The following HIVEP3 variants were observed in gnomAD, a reference collection of about 807,000 sequenced individuals.
The protein encoded by HIVEP3 is transcription factor HIVEP3.
A neutral mutation model predicts 152.8 loss-of-function variants in HIVEP3; 49 were observed. The observed-to-expected ratio is 0.32, with a 90% CI of 0.26 to 0.41. The LOEUF (loss-of-function observed/expected upper bound fraction) is 0.41, where lower values mean the gene tolerates loss of function less well. Among genes scored for constraint, HIVEP3 ranks in the 10% least tolerant of loss-of-function variants. The pLI is 1.00. For synonymous variants in HIVEP3, 1,269 were observed against 1,289.0 expected, an observed-to-expected ratio of 0.98 and a Z score of 0.33; for missense variants, 2,790 against 3,103.3, an observed-to-expected ratio of 0.90 and a Z score of 2.40.
chr1:41,728,035 T>C (rs1425211405), intron 1 of HIVEP3, among the ~76,000 whole-genome samples: 3 of 152,288 alleles, frequency 2.0e-5, no homozygotes, highest in Non-Finnish European at 2.9e-5. Flanking sequence ...CACCATCTTA[T>C]TGTTGAACAA....
At chr1:41,592,705 G>A (rs1644604981) in intron 3 of HIVEP3, among the ~76,000 whole-genome samples, 1 of 152,206 alleles carries the variant, frequency 6.6e-6, no homozygotes, top group Non-Finnish European at 1.5e-5. Flanking sequence ...TATAGTTGCT[G>A]ACACCAGGCA....
chr1:41,755,422 G>A lies in HIVEP3; in HGVS notation c.-800-54427C>T, dbSNP rs565756462. 5.9e-5 allele frequency among the ~76,000 whole-genome samples: 9 copies of A among 151,884 alleles called. No homozygotes were observed. In the East Asian group the frequency reaches 1.7e-3, roughly 29 times the overall value. On this transcript the variant is annotated intron_variant, in intron 1 of 8. Transcript: ENST00000372583. ...AGAGTCTTTAGGTGTGATATCAAAA[G>A]CACAATCCATAAAAGAAAAAAAATC...
intron 1 of HIVEP3, among the ~76,000 whole-genome samples, chr1:41,870,245 A>G (rs1039155993): frequency 6.6e-6 from 1 of 152,124 alleles, no homozygotes; most frequent in Non-Finnish European, 1.5e-5. Context: ...ACTTCCCCAA[A>G]AAAAGCCCCC....
intron 2 of HIVEP3, among the ~76,000 whole-genome samples, chr1:41,681,549 T>C (rs1374008347): frequency 1.3e-5 from 2 of 152,170 alleles, no homozygotes; most frequent in Non-Finnish European, 2.9e-5. Context: ...GCCTGTGTGA[T>C]CCCAGGGTTA....
chr1:41,581,776 T>C lies in HIVEP3; in HGVS notation c.3022A>G (p.Thr1008Ala). Residue 1008 changes from threonine (T) to alanine (A), a missense_variant, in exon 4 of 9, where the codon ACA (threonine) becomes GCA (alanine). Transcript: ENST00000372583. This position sits in a 1 kb window ranked among gnomAD's most constrained non-coding sequence, Gnocchi z 4.5. ...NVSHSAHMTE[T>A]RSKSFDYGSL... Reference sequence around the variant, plus strand: ...CCATAGTCAAAGGATTTGCTGCGTGTCTCGGTCATGTGGGCAGAATGGGAA... The same window carrying C: ...CCATAGTCAAAGGATTTGCTGCGTGCCTCGGTCATGTGGGCAGAATGGGAA... The C allele has an allele frequency of 6.3e-7, 1 of 1,591,768 alleles. No individual in the cohort carries two copies. The highest frequency in any genetic ancestry group is 2.2e-5 in the East Asian group (1 of 44,656).
intron 2 of HIVEP3, among the ~76,000 whole-genome samples, chr1:41,657,735 G>A (rs942526814): frequency 1.3e-5 from 2 of 152,210 alleles, no homozygotes; most frequent in Non-Finnish European, 2.9e-5. Flanking sequence ...GAGAGGCAAA[G>A]CAAATAGGAA....
rs192229023 is a variant in HIVEP3, at chr1:41,664,832, G to A, written c.-720-35885C>T. ...CTCCTTTCTCTTGACAAACTCCTCT[G>A]CAGCCATCAGGGAGCCTGGGATATC... On this transcript the variant is annotated intron_variant, in intron 2 of 8. Coordinates refer to ENST00000372583, the MANE Select transcript of HIVEP3 (RefSeq NM_024503.5). The surrounding 1 kb of genome is among the most constrained non-coding windows in gnomAD (Gnocchi z 4.4). Among the ~76,000 whole-genome samples the A allele has an allele frequency of 2.0e-5, 3 of 152,274 alleles. No individual in the cohort carries two copies. Among genetic ancestry groups the A allele is most frequent in the Admixed American group, 2.0e-4 (3 of 15,306 alleles).
intron 1 of HIVEP3, among the ~76,000 whole-genome samples, chr1:41,948,131 C>T (rs1342990832): frequency 6.6e-6 from 1 of 152,202 alleles, no homozygotes; most frequent in Non-Finnish European, 1.5e-5. Flanking sequence ...CCAACCTCAA[C>T]TTGTATACTG....
intron 5 of HIVEP3, among the ~76,000 whole-genome samples, chr1:41,528,662 C>A (rs1197958983): frequency 7.9e-6 from 1 of 127,040 alleles, no homozygotes; most frequent in Non-Finnish European, 1.7e-5. Context: ...CACCCCCATC[C>A]TCACCTTCAC....
rs1245271440 is a variant in HIVEP3, at chr1:41,709,490, G to C, written c.-800-8495C>G. Among the ~76,000 whole-genome samples the C allele has an allele frequency of 2.6e-5, 4 of 152,368 alleles. No individual in the cohort carries two copies. The East Asian group carries it at 7.7e-4, about 29-fold the overall frequency. On this transcript the variant is annotated intron_variant, in intron 1 of 8. Coordinates refer to ENST00000372583, the MANE Select transcript of HIVEP3 (RefSeq NM_024503.5). ...GTGGGACAGAGGCAGCCTCCAGGCA[G>C]TAGCAATCTCTGAGGTCAGAAGAAA...
chr1:41,857,640 C>G (rs1454752872), intron 1 of HIVEP3, among the ~76,000 whole-genome samples: 1 of 152,098 alleles, frequency 6.6e-6, no homozygotes, highest in Non-Finnish European at 1.5e-5. Context: ...CCACACCAAG[C>G]AATTTTGTTT....
At chr1:41,917,601 C>T (rs1644890645) in intron 1 of HIVEP3, among the ~76,000 whole-genome samples, 1 of 152,210 alleles carries the variant, frequency 6.6e-6, no homozygotes, top group African/African-American at 2.4e-5. Context: ...TTCCTCTGCA[C>T]CACTGCCACA....
At chr1:41,549,181 T>C (rs1278670339) in intron 5 of HIVEP3, among the ~76,000 whole-genome samples, 1 of 152,208 alleles carries the variant, frequency 6.6e-6, no homozygotes, top group Non-Finnish European at 1.5e-5. Flanking sequence ...GCTGCATCCA[T>C]GTCCCCACAA....
At chr1:41,709,702 G>A (rs1161679963) in intron 1 of HIVEP3, among the ~76,000 whole-genome samples, 3 of 152,218 alleles carry the variant, frequency 2.0e-5, no homozygotes, top group East Asian at 3.9e-4. Flanking sequence ...GTCTTAGGCA[G>A]GGAAATTGAG....
chr1:41,870,847 A>G (rs1219327046), intron 1 of HIVEP3, among the ~76,000 whole-genome samples: 1 of 151,992 alleles, frequency 6.6e-6, no homozygotes, highest in Non-Finnish European at 1.5e-5. Context: ...TAGGGTCTTG[A>G]CCCCTCCACT....
intron 1 of HIVEP3, among the ~76,000 whole-genome samples, chr1:41,981,705 T>C (rs1264468386): frequency 6.6e-6 from 1 of 152,252 alleles, no homozygotes; most frequent in African/African-American, 2.4e-5. Flanking sequence ...AAATTGCGTT[T>C]TGTTATATAT....
chr1:41,963,363 T>A (rs945422951), intron 1 of HIVEP3, among the ~76,000 whole-genome samples: 2 of 151,722 alleles, frequency 1.3e-5, no homozygotes, highest in Admixed American at 6.6e-5. Context: ...TCACTCCGAG[T>A]TTTTTATCCT....
upstream of HIVEP3, among the ~76,000 whole-genome samples, chr1:41,920,614 G>GT (rs1399160590): frequency 6.7e-6 from 1 of 149,566 alleles, no homozygotes; most frequent in African/African-American, 2.5e-5. Flanking sequence ...CCCCAGGAGA[G>GT]TTTACTAGAT....
intron 1 of HIVEP3, among the ~76,000 whole-genome samples, chr1:41,978,720 TA>T (rs1645276325): frequency 6.6e-6 from 1 of 152,180 alleles, no homozygotes; most frequent in Non-Finnish European, 1.5e-5. Flanking sequence ...TTCTGGGTAC[TA>T]AGAATACAGC....
Sources: allele counts gnomAD v4.1 joint callset (sites outside exome capture counted in the v4.1 genomes callset), GRCh38; gene constraint gnomAD v4.1.1; non-coding constraint Gnocchi (gnomAD v3.1); transcripts MANE v1.5; gene names NCBI Gene and HGNC (gene_info 2026-07-23, HGNC 2026-07-21).